The following GPR75 variants were observed in gnomAD, a reference collection of about 807,000 sequenced individuals.
GPR75 encodes the protein G protein-coupled receptor 75, also known as probable G protein-coupled receptor 75.
A neutral mutation model predicts 26.0 loss-of-function variants in GPR75; 27 were observed. That is an observed-to-expected ratio of 1.04 (90% confidence interval 0.77 to 1.43). The LOEUF (loss-of-function observed/expected upper bound fraction) is 1.43, where lower values mean the gene tolerates loss of function less well. GPR75 is among the 40% of genes most tolerant of loss of function. The probability of loss-of-function intolerance (pLI) is 0.00; values close to 1 mark genes in which losing one functional copy is unlikely to be tolerated. For missense variants in GPR75, 699 were observed against 662.3 expected (o/e 1.06, Z -0.61); for synonymous variants, 285 against 256.3 (o/e 1.11, Z -1.07).
chr2:53,859,949 C>A lies in GPR75; in HGVS notation c.-231G>T, dbSNP rs1471554532. On this transcript the variant is annotated 5_prime_UTR_variant, in exon 1 of 2. Transcript: ENST00000394705. Reference sequence around the variant, plus strand: ...GCCATCGCCACCGCCTCCGCGCATCCCGGGAGCCGCGGCAAGACGCGGGCG... The same window carrying A: ...GCCATCGCCACCGCCTCCGCGCATCACGGGAGCCGCGGCAAGACGCGGGCG... 2 of 1,486,322 alleles carry A rather than the reference C, an allele frequency of 1.3e-6. No homozygotes were observed. Among genetic ancestry groups the A allele is most frequent in the Middle Eastern group, 1.9e-4 (1 of 5,370 alleles). 92.1% of individuals were successfully genotyped at this position (1,486,322 alleles called of 1,614,324 possible).
Position 53,853,590 on chromosome 2 carries a change from C to T in GPR75, c.1167G>A (p.Trp389Ter). ...AACCCAGGCCTATGTATTGGAGGCACCAGAGCACTTTCCTTCTCAGCCCTG... is the reference window on the plus strand; with the variant it reads ...AACCCAGGCCTATGTATTGGAGGCATCAGAGCACTTTCCTTCTCAGCCCTG... ...NSAGLRRKVL[W>*]CLQYIGLGFF... Residue 389 changes from tryptophan (W) to a stop codon, truncating the protein, a stop_gained, in exon 2 of 2, where the codon TGG (tryptophan) becomes TGA (stop). Coordinates refer to ENST00000394705, the MANE Select transcript of GPR75 (RefSeq NM_006794.4). LOFTEE classifies it high-confidence loss of function. The T allele has an allele frequency of 6.2e-7, 1 of 1,613,954 alleles. No individual in the cohort carries two copies. The highest frequency in any genetic ancestry group is 8.5e-7 in the Non-Finnish European group (1 of 1,179,872).
rs1238575588 is a variant in GPR75 at position 53,853,152 on chromosome 2, A to G, written c.1605T>C (p.Ile535=). The change falls in exon 2 of 2, where the codon ATT becomes ATC. Residue 535 remains isoleucine (I), a synonymous_variant. Coordinates refer to ENST00000394705, the MANE Select transcript of GPR75 (RefSeq NM_006794.4). ...QEYDSTSAKQ[I]PVPSV ...CATGACTTTAAACGGAGGGGACTGG[A>G]ATCTGCTTGGCTGAAGTGCTGTCAT... 1 of 1,613,432 alleles carries G rather than the reference A, an allele frequency of 6.2e-7. No homozygotes were observed. The highest frequency in any genetic ancestry group is 1.7e-5 in the Admixed American group (1 of 60,014).
chr2:53,858,500 TGA>T (rs1404552204), intron 1 of GPR75, among the ~76,000 whole-genome samples: 1 of 149,672 alleles, frequency 6.7e-6, no homozygotes, highest in African/African-American at 2.5e-5. Flanking sequence ...TCACTCCTAT[TGA>T]GATAATTAGA....
Position 53,854,080 on chromosome 2 carries a change from G to C in GPR75, c.677C>G (p.Ala226Gly). The C allele has an allele frequency of 6.2e-7, 1 of 1,614,182 alleles. No homozygotes were observed. Among genetic ancestry groups the C allele is most frequent in the Non-Finnish European group, 8.5e-7 (1 of 1,180,024 alleles). ...AVVSVSYIMI[A>G]QTLRKNAQVR... ...TTGAGCGTTCTTCCGCAGGGTCTGA[G>C]CAATCATGATGTAAGAGACAGAGAC... is the stretch of plus-strand genomic sequence containing the variant. The change falls in exon 2 of 2, where the codon GCT (alanine) becomes GGT (glycine). Residue 226 changes from alanine (A) to glycine (G), a missense_variant. Coordinates refer to ENST00000394705, the MANE Select transcript of GPR75 (RefSeq NM_006794.4).
chr2:53,853,967 TGG>T lies in GPR75; in HGVS notation c.788_789del (p.Pro263HisfsTer10). On this transcript the variant is annotated frameshift_variant, in exon 2 of 2. Transcript: ENST00000394705. LOFTEE classifies it high-confidence loss of function. ...MGVPVQGGGD[P>X]IQCAMPALYR... is the part of the protein sequence containing the mutation. ...TACAGAGCCGGCATGGCACACTGGA[TGG>T]GATCTCCACCTCCCTGCACAGGGAC... 2.5e-6 allele frequency: 4 copies of T among 1,614,094 alleles called. No homozygotes were observed. The highest frequency in any genetic ancestry group is 3.4e-6 in the Non-Finnish European group (4 of 1,179,992).
rs753543229 is a variant in GPR75 at position 53,854,750 on chromosome 2, A to G, written c.7T>C (p.Ser3Pro). The change falls in exon 2 of 2, where the codon TCA becomes CCA. Residue 3 changes from serine (S) to proline (P), a missense_variant. Transcript: ENST00000394705. MN[S>P]TGHLQDAPNA... Reference sequence around the variant, plus strand: ...GGGGCATCCTGAAGGTGGCCTGTTGAGTTCATTTTCGGAGAGAAATGTCTC... The same window carrying G: ...GGGGCATCCTGAAGGTGGCCTGTTGGGTTCATTTTCGGAGAGAAATGTCTC... 6.2e-7 allele frequency: 1 copy of G among 1,609,490 alleles called. No homozygotes were observed. Among genetic ancestry groups the G allele is most frequent in the Non-Finnish European group, 8.5e-7 (1 of 1,177,236 alleles).
Position 53,859,964 on chromosome 2 carries a change from A to C in GPR75, c.-246T>G. The C allele has an allele frequency of 6.8e-7, 1 of 1,469,794 alleles. No homozygotes were observed. 91.0% of individuals were successfully genotyped at this position (1,469,794 alleles called of 1,614,324 possible). On this transcript the variant is annotated 5_prime_UTR_variant, in exon 1 of 2. Coordinates refer to ENST00000394705, the MANE Select transcript of GPR75 (RefSeq NM_006794.4). ...TCCGCGCATCCCGGGAGCCGCGGCA[A>C]GACGCGGGCGCAGAGGCGCAGTCAC...
rs778634258 is a variant in GPR75 at position 53,853,114 on chromosome 2, A to T, written c.*20T>A. On this transcript the variant is annotated 3_prime_UTR_variant, in exon 2 of 2. Transcript: ENST00000394705. ...CAGAAACAAAAACTGTTTACATAAG[A>T]TCCTATAGCCTCCATGACTTTAAAC... 6.3e-7 allele frequency: 1 copy of T among 1,581,406 alleles called. No homozygotes were observed. Among genetic ancestry groups the T allele is most frequent in the Non-Finnish European group, 8.7e-7 (1 of 1,155,382 alleles).
intron 1 of GPR75, among the ~76,000 whole-genome samples, chr2:53,858,509 T>G (rs553700570): frequency 1.3e-5 from 2 of 150,738 alleles, no homozygotes; most frequent in Non-Finnish European, 3.0e-5. Flanking sequence ...TTGAGATAAT[T>G]AGAAAAAAAG....
intron 1 of GPR75, among the ~76,000 whole-genome samples, chr2:53,855,518 C>A (rs1020732876): frequency 1.3e-5 from 2 of 152,002 alleles, no homozygotes; most frequent in African/African-American, 4.8e-5. Flanking sequence ...TTGCAGGGTG[C>A]TATGAGAGCA....
chr2:53,856,061 C>T (rs1301261699), intron 1 of GPR75, among the ~76,000 whole-genome samples: 1 of 152,152 alleles, frequency 6.6e-6, no homozygotes, highest in Admixed American at 6.5e-5. Context: ...AGGCATGCAC[C>T]CATTCCTGCA....
chr2:53,856,999 C>T (rs1678247427), intron 1 of GPR75, among the ~76,000 whole-genome samples: 1 of 128,926 alleles, frequency 7.8e-6, no homozygotes, highest in Admixed American at 8.9e-5. Context: ...CTCTGTCGCC[C>T]AGGCGGGACT....
intron 1 of GPR75, among the ~76,000 whole-genome samples, chr2:53,858,440 CA>C (rs1678290429): frequency 6.8e-6 from 1 of 147,350 alleles, no homozygotes; most frequent in South Asian, 2.2e-4. Flanking sequence ...CACACACACA[CA>C]CATTCTTCTA....
chr2:53,855,553 A>G (rs572538136), intron 1 of GPR75, among the ~76,000 whole-genome samples: 2 of 152,122 alleles, frequency 1.3e-5, no homozygotes, highest in Non-Finnish European at 2.9e-5. Flanking sequence ...CTACTCCAAC[A>G]TGGAAAGGGA....
intron 1 of GPR75, 73 bp downstream of exon 1, chr2:53,859,739 CAGCCGCGCTCCTCGCT>C: frequency 9.9e-7 from 1 of 1,010,190 alleles, no homozygotes; most frequent in Non-Finnish European, 1.4e-6. Flanking sequence ...TGGCCCAGCG[CAGCCGCGCTCCTCGCT>C]ATCCCGCCAG....
Position 53,853,933 on chromosome 2 carries a change from T to C in GPR75, c.824A>G (p.Gln275Arg). The change falls in exon 2 of 2, where the codon CAG becomes CGG. Residue 275 changes from glutamine to arginine, a missense_variant. Transcript: ENST00000394705. ...QCAMPALYRN[Q>R]NYNKLQHVQT... ...AACGTGCTGCAGTTTGTTGTAATTC[T>C]GGTTCCTATACAGAGCCGGCATGGC... 6.2e-7 allele frequency: 1 copy of C among 1,614,108 alleles called. No individual in the cohort carries two copies. The highest frequency in any genetic ancestry group is 1.1e-5 in the South Asian group (1 of 91,074).
At chr2:53,858,406 C>CACAA (rs1678288193) in intron 1 of GPR75, among the ~76,000 whole-genome samples, 1 of 68,718 alleles carries the variant, frequency 1.5e-5, no homozygotes, top group Non-Finnish European at 2.8e-5. Flanking sequence ...CAGATAGACA[C>CACAA]ACACACACAC....
chr2:53,858,277 C>T (rs1051252164), intron 1 of GPR75, among the ~76,000 whole-genome samples: 7 of 152,132 alleles, frequency 4.6e-5, no homozygotes, highest in African/African-American at 1.7e-4. Context: ...AATTATCAAG[C>T]TTTATTTCAT....
In GPR75 at chr2:53,853,631, A is replaced by C; in HGVS notation, c.1126T>G (p.Tyr376Asp). 6.2e-7 allele frequency: 1 copy of C among 1,614,106 alleles called. No homozygotes were observed. Among genetic ancestry groups the C allele is most frequent in the Non-Finnish European group, 8.5e-7 (1 of 1,179,920 alleles). Residue 376 changes from tyrosine (Y) to aspartate (D), a missense_variant, in exon 2 of 2, where the codon TAT becomes GAT. Coordinates refer to ENST00000394705, the MANE Select transcript of GPR75 (RefSeq NM_006794.4). ...FFKSGLNPFI[Y>D]SRNSAGLRRK... ...CTCAGCCCTGCACTGTTCCGAGAATATATAAAAGGGTTTAATCCTGACTTG... is the reference window on the plus strand; with the variant it reads ...CTCAGCCCTGCACTGTTCCGAGAATCTATAAAAGGGTTTAATCCTGACTTG...
Sources: gnomAD v4.1 joint callset for allele counts (sites outside exome capture counted in the v4.1 genomes callset) on GRCh38, gnomAD v4.1.1 for gene constraint, MANE v1.5 for transcripts, NCBI Gene and HGNC (gene_info 2026-07-23, HGNC 2026-07-21) for gene names.